TMEM156: variants seen among roughly 807,000 people sequenced by gnomAD.
TMEM156 encodes the protein transmembrane protein 156.
A neutral mutation model predicts 30.5 loss-of-function variants in TMEM156; 28 were observed. The ratio of observed to expected loss-of-function variants is 0.92; its 90% CI spans 0.68 to 1.26. The LOEUF (loss-of-function observed/expected upper bound fraction) is 1.26. Ranked by LOEUF, TMEM156 falls within the 50% of genes most tolerant of loss-of-function variation. TMEM156 has a pLI of 0.00. For missense variants in TMEM156, 351 were observed against 340.6 expected (o/e 1.03, Z -0.24); for synonymous variants, 137 against 119.9 (o/e 1.14, Z -0.93).
At chr4:39,020,090 A>G (rs1429173386) in intron 1 of TMEM156, among the ~76,000 whole-genome samples, 4 of 152,336 alleles carry the variant, frequency 2.6e-5, no homozygotes, top group Admixed American at 2.0e-4. Context: ...TTCACTTAGC[A>G]TAGTATCCCC....
At chr4:38,990,838 T>TTTTTTTTTTTTTTTTTG (rs1712389916) in intron 3 of TMEM156, among the ~76,000 whole-genome samples, 1 of 129,722 alleles carries the variant, frequency 7.7e-6, no homozygotes, top group Admixed American at 7.8e-5. Flanking sequence ...TGGTTTTTTT[T>TTTTTTTTTTTTTTTTTG]TTTTTTTTTT....
chr4:38,989,349 A>T (rs1202414253), intron 3 of TMEM156, among the ~76,000 whole-genome samples: 1 of 152,230 alleles, frequency 6.6e-6, no homozygotes, highest in Non-Finnish European at 1.5e-5. Flanking sequence ...GGCAGCCCAA[A>T]AATATGTCCT....
chr4:39,000,204 G>A (rs1713237445), intron 1 of TMEM156, among the ~76,000 whole-genome samples: 1 of 152,126 alleles, frequency 6.6e-6, no homozygotes, highest in Non-Finnish European at 1.5e-5. Flanking sequence ...GATCAGCCTG[G>A]ACAACATGGC....
chr4:39,027,666 C>T (rs1715285589), intron 1 of TMEM156, among the ~76,000 whole-genome samples: 3 of 150,614 alleles, frequency 2.0e-5, no homozygotes. Flanking sequence ...AGCGATTCTC[C>T]TGCCTCAGCC....
At chr4:38,983,041 G>T (rs1375667311) in intron 5 of TMEM156, among the ~76,000 whole-genome samples, 1 of 152,154 alleles carries the variant, frequency 6.6e-6, no homozygotes, top group African/African-American at 2.4e-5. Flanking sequence ...CAATCCTGAG[G>T]AGAGATGCAA....
At chr4:38,979,497 C>T (rs1027587195) in intron 5 of TMEM156, among the ~76,000 whole-genome samples, 13 of 152,168 alleles carry the variant, frequency 8.5e-5, no homozygotes, top group African/African-American at 3.1e-4. Context: ...CACTATGAAG[C>T]ACAAAAAATA....
At chr4:39,009,332 C>T (rs1255758676) in intron 1 of TMEM156, among the ~76,000 whole-genome samples, 1 of 152,088 alleles carries the variant, frequency 6.6e-6, no homozygotes, top group Non-Finnish European at 1.5e-5. Context: ...GAAAGAGCTG[C>T]TACCAATCCT....
intron 2 of TMEM156, among the ~76,000 whole-genome samples, chr4:38,995,437 C>G (rs1712856116): frequency 1.3e-5 from 2 of 152,206 alleles, no homozygotes. Flanking sequence ...CTTTTCCTGG[C>G]TGGGCTCAGT....
chr4:38,992,158 AAAGG>A (rs1712511463), intron 3 of TMEM156, among the ~76,000 whole-genome samples: 4 of 152,202 alleles, frequency 2.6e-5, no homozygotes, highest in African/African-American at 7.2e-5. Context: ...AAGCAATCTG[AAAGG>A]CTTCCGTATG....
intron 1 of TMEM156, among the ~76,000 whole-genome samples, chr4:39,010,511 A>G (rs754441868): frequency 3.3e-5 from 5 of 152,206 alleles, no homozygotes; most frequent in Non-Finnish European, 5.9e-5. Flanking sequence ...ACTTCAAACT[A>G]TACTACAAGG....
chr4:38,992,975 A>G (rs1712649660), intron 3 of TMEM156, among the ~76,000 whole-genome samples: 1 of 150,666 alleles, frequency 6.6e-6, no homozygotes, highest in Admixed American at 6.6e-5. Flanking sequence ...GTTAGCCAGG[A>G]TGGTCTCGAA....
chr4:38,994,547 C>T (rs1324515856), intron 2 of TMEM156, among the ~76,000 whole-genome samples: 4 of 152,184 alleles, frequency 2.6e-5, no homozygotes, highest in African/African-American at 9.7e-5. Context: ...ACTTGTGGGA[C>T]AGACTGTATT....
At chr4:39,013,190 A>T (rs1348650168) in intron 1 of TMEM156, among the ~76,000 whole-genome samples, 1 of 151,238 alleles carries the variant, frequency 6.6e-6, no homozygotes, top group Non-Finnish European at 1.5e-5. Flanking sequence ...AGTCCCAGCT[A>T]CTCGGGAAAC....
Position 38,993,749 on chromosome 4 carries a change from A to G in TMEM156, c.608T>C (p.Met203Thr). ...DCIHISLHLE[M>T]DIKNITCSMK... ...CCTTAAAAACTTACTTTTTATATCCATCTCTAGGTGCAAAGAAATGTGTAT... is the reference window on the plus strand; with the variant it reads ...CCTTAAAAACTTACTTTTTATATCCGTCTCTAGGTGCAAAGAAATGTGTAT... Residue 203 changes from methionine to threonine, a missense_variant, in exon 3 of 7, where the codon ATG becomes ACG. By Grantham distance (81) the Met-to-Thr change is moderately conservative (BLOSUM62 -1). Coordinates refer to ENST00000381938, the MANE Select transcript of TMEM156 (RefSeq NM_024943.3). The G allele has an allele frequency of 1.9e-6, 3 of 1,612,320 alleles. No homozygotes were observed. The highest frequency in any genetic ancestry group is 2.5e-6 in the Non-Finnish European group (3 of 1,178,540).
intron 1 of TMEM156, among the ~76,000 whole-genome samples, chr4:39,006,812 G>A (rs558534702): frequency 6.6e-6 from 1 of 152,118 alleles, no homozygotes; most frequent in African/African-American, 2.4e-5. Context: ...GCGTGGTAGT[G>A]CGTGTCTGTG....
intron 1 of TMEM156, among the ~76,000 whole-genome samples, chr4:39,007,554 A>G (rs1216405790): frequency 6.6e-6 from 1 of 152,072 alleles, no homozygotes; most frequent in African/African-American, 2.4e-5. Context: ...TCCCGAGTTC[A>G]AACGATTCTC....
chr4:38,975,379 CTTTTCTTTTTTT>C (rs1722799270), intron 5 of TMEM156, among the ~76,000 whole-genome samples: 2 of 123,798 alleles, frequency 1.6e-5, no homozygotes, highest in African/African-American at 6.9e-5. Flanking sequence ...TTTCTTTTTT[CTTTTCTTTTTTT>C]TTTTTTTTTG....
intron 1 of TMEM156, among the ~76,000 whole-genome samples, chr4:39,010,427 C>T (rs1275479710): frequency 6.6e-6 from 1 of 152,108 alleles, no homozygotes; most frequent in Non-Finnish European, 1.5e-5. Flanking sequence ...CCACCCACCA[C>T]ACACACAAAA....
intron 5 of TMEM156, among the ~76,000 whole-genome samples, chr4:38,981,232 A>G (rs559935281): frequency 1.3e-5 from 2 of 152,232 alleles, no homozygotes; most frequent in Non-Finnish European, 2.9e-5. Context: ...AGCGGCCATA[A>G]ACATGTTCCA....
Sources: gnomAD v4.1 joint callset for allele counts (sites outside exome capture counted in the v4.1 genomes callset) on GRCh38, gnomAD v4.1.1 for gene constraint, MANE v1.5 for transcripts, NCBI Gene and HGNC (gene_info 2026-07-23, HGNC 2026-07-21) for gene names.